Variants in IFNAR2 observed in about 807,000 individuals in gnomAD.
IFNAR2 encodes the protein interferon alpha/beta receptor 2.
Under a neutral mutation model 49.4 loss-of-function variants are expected in IFNAR2, and 30 were observed. That is an observed-to-expected ratio of 0.61 (90% confidence interval 0.45 to 0.82). The LOEUF (loss-of-function observed/expected upper bound fraction) is 0.82, where lower values mean the gene tolerates loss of function less well. Among genes scored for constraint, IFNAR2 ranks in the 40% least tolerant of loss-of-function variants. The probability of loss-of-function intolerance (pLI) is 0.00; values close to 1 mark genes in which losing one functional copy is unlikely to be tolerated. For synonymous variants in IFNAR2, 224 were observed against 234.5 expected (o/e 0.96, Z 0.41); for missense variants, 600 against 622.7 (o/e 0.96, Z 0.39).
Position 33,230,162 on chromosome 21 carries a change from C to T in IFNAR2, c.-138C>T. 2 of 1,000,424 alleles carry T rather than the reference C, an allele frequency of 2.0e-6. No homozygotes were observed. The highest frequency in any genetic ancestry group is 1.7e-5 in the African/African-American group (1 of 57,414). 62.0% of individuals were successfully genotyped at this position (1,000,424 alleles called of 1,614,324 possible). ...GAGCGTCGGGTCCCAGAGCCGGGCG[C>T]GGCTGGGGCCCGAGGCTAGCATCTC... On this transcript the variant is annotated 5_prime_UTR_variant, in exon 1 of 9. Coordinates refer to ENST00000342136, the MANE Select transcript of IFNAR2 (RefSeq NM_001289125.3). The surrounding 1 kb of genome is among the most constrained non-coding windows in gnomAD (Gnocchi z 5.5).
At chr21:33,244,170 A>G (rs568600156) in intron 3 of IFNAR2, among the ~76,000 whole-genome samples, 74 of 152,292 alleles carry the variant, frequency 4.9e-4, no homozygotes, top group Admixed American at 3.0e-3. Context: ...ACCTTGTGCT[A>G]AGTGTTGGTT....
chr21:33,248,593 T>C (rs1987615219), intron 5 of IFNAR2, 116 bp from the exon 6 acceptor site: 3 of 854,534 alleles, frequency 3.5e-6, no homozygotes, highest in Non-Finnish European at 5.1e-6. Context: ...AAAATTATGA[T>C]GTAAATCAGG....
intron 1 of IFNAR2, among the ~76,000 whole-genome samples, chr21:33,234,224 T>TGTGTGTGTG (rs1986278711): frequency 2.0e-5 from 3 of 151,534 alleles, no homozygotes; most frequent in African/African-American, 7.3e-5. Flanking sequence ...TGTGTGTGTG[T>TGTGTGTGTG]TTATGCATAG....
At chr21:33,259,463 G>C (rs1411249407) in intron 7 of IFNAR2, among the ~76,000 whole-genome samples, 3 of 152,164 alleles carry the variant, frequency 2.0e-5, no homozygotes, top group Non-Finnish European at 4.4e-5. Context: ...TCAGACTCAT[G>C]AGAATACCCC....
chr21:33,244,071 C>G (rs1177861103), intron 3 of IFNAR2, among the ~76,000 whole-genome samples: 2 of 152,120 alleles, frequency 1.3e-5, no homozygotes, highest in African/African-American at 4.8e-5. Context: ...TGATTCCAGA[C>G]AAAGGACAAT....
intron 5 of IFNAR2, 128 bp downstream of exon 5, chr21:33,247,018 A>T (rs1190307509): frequency 2.9e-6 from 2 of 684,430 alleles, no homozygotes; most frequent in African/African-American, 1.8e-5. Context: ...TGGCCCTGCC[A>T]CTTCCTAGCT....
chr21:33,253,426 C>T (rs1166938660), intron 7 of IFNAR2, among the ~76,000 whole-genome samples: 1 of 152,184 alleles, frequency 6.6e-6, no homozygotes, highest in Admixed American at 6.5e-5. Context: ...TGATTGTTTT[C>T]TCAGGAAGTA....
chr21:33,262,824 C>G lies in IFNAR2; in HGVS notation c.872C>G (p.Pro291Arg). 1 of 1,603,556 alleles carries G rather than the reference C, an allele frequency of 6.2e-7. No homozygotes were observed. The highest frequency in any genetic ancestry group is 8.5e-7 in the Non-Finnish European group (1 of 1,175,686). ...CATAACTTTTTAGCCTGGCCATTTC[C>G]TAACCTGCCACCGTTGGAAGCCATG... Reference protein sequence around the residue: ...NFHNFLAWPFPNLPPLEAMDM... With the variant: ...NFHNFLAWPFRNLPPLEAMDM... Residue 291 changes from proline to arginine, a missense_variant, in exon 9 of 9, where the codon CCT (proline) becomes CGT (arginine). Physicochemically the swap from Pro to Arg is moderately radical, Grantham distance 103. Transcript: ENST00000342136.
chr21:33,261,211 A>G (rs888885734), intron 8 of IFNAR2, among the ~76,000 whole-genome samples: 7 of 151,382 alleles, frequency 4.6e-5, no homozygotes, highest in African/African-American at 1.7e-4. Context: ...TAATTTTTGC[A>G]TTTTTAGTAG....
Position 33,260,722 on chromosome 21 carries a change from G to A in IFNAR2, c.835G>A (p.Val279Ile). Residue 279 changes from valine to isoleucine, a missense_variant, in exon 8 of 9, where the codon GTC becomes ATC. Transcript: ENST00000342136. ...ATGCTTAAGAAATAGCCTCCCCAAA[G>A]TCTTGGTAGGTAGTTTTTTTGTTTT... ...YICLRNSLPK[V>I]LNFHNFLAWP... 2 of 1,491,860 alleles carry A rather than the reference G, an allele frequency of 1.3e-6. No individual in the cohort carries two copies. Among genetic ancestry groups the A allele is most frequent in the Non-Finnish European group, 1.8e-6 (2 of 1,124,590 alleles). The allele number at this position is 1,491,860 out of a possible 1,614,324, so 92.4% of individuals were successfully genotyped here.
intron 6 of IFNAR2, among the ~76,000 whole-genome samples, chr21:33,249,770 C>A (rs1277240676): frequency 6.6e-6 from 1 of 152,184 alleles, no homozygotes; most frequent in Non-Finnish European, 1.5e-5. Flanking sequence ...CAAGTGAGAC[C>A]AGCCTGAGAG....
chr21:33,232,113 C>A, intron 1 of IFNAR2, among the ~76,000 whole-genome samples: 1 of 152,198 alleles, frequency 6.6e-6, no homozygotes, highest in East Asian at 1.9e-4. Flanking sequence ...TAAGAAAAAA[C>A]ACTGTCAATC....
At chr21:33,236,138 T>C (rs1986433431) in intron 1 of IFNAR2, among the ~76,000 whole-genome samples, 1 of 151,908 alleles carries the variant, frequency 6.6e-6, no homozygotes, top group South Asian at 2.1e-4. Flanking sequence ...CAGAGGAAGA[T>C]TGCAAAGAGG....
intron 4 of IFNAR2, among the ~76,000 whole-genome samples, chr21:33,246,072 A>ATTTT (rs35111583): frequency 7.2e-6 from 1 of 139,560 alleles, no homozygotes; most frequent in Non-Finnish European, 1.6e-5. Context: ...TCATCCGGCA[A>ATTTT]TTTTTTTTTT....
At chr21:33,240,886 T>G (rs1032536827) in intron 1 of IFNAR2, among the ~76,000 whole-genome samples, 1 of 152,158 alleles carries the variant, frequency 6.6e-6, no homozygotes, top group African/African-American at 2.4e-5. Context: ...ATCGTGTTTT[T>G]GCAGCAACAT....
intron 5 of IFNAR2, among the ~76,000 whole-genome samples, chr21:33,247,378 A>G (rs1481768059): frequency 6.6e-6 from 1 of 150,798 alleles, no homozygotes; most frequent in Non-Finnish European, 1.5e-5. Context: ...CAGCCTCCAG[A>G]GTAGCTGGGA....
At chr21:33,232,291 G>A (rs912799578) in intron 1 of IFNAR2, among the ~76,000 whole-genome samples, 2 of 152,162 alleles carry the variant, frequency 1.3e-5, no homozygotes, top group Admixed American at 6.5e-5. Context: ...GAAACTGGGG[G>A]CTATGCAATT....
At chr21:33,244,503 A>G (rs1476296319) in intron 3 of IFNAR2, among the ~76,000 whole-genome samples, 1 of 152,216 alleles carries the variant, frequency 6.6e-6, no homozygotes, top group Non-Finnish European at 1.5e-5. Flanking sequence ...CAGAGGAAGG[A>G]AAATTTGCAG....
intron 8 of IFNAR2, 169 bp from the exon 9 acceptor site, chr21:33,262,624 C>T (rs1441484847): frequency 1.1e-6 from 1 of 920,882 alleles, no homozygotes; most frequent in Non-Finnish European, 1.8e-6. Flanking sequence ...TAATGCACTA[C>T]AGTCTGAAAC....
Sources: gnomAD v4.1 joint callset for allele counts (sites outside exome capture counted in the v4.1 genomes callset) on GRCh38, gnomAD v4.1.1 for gene constraint, Gnocchi (gnomAD v3.1) non-coding constraint, MANE v1.5 for transcripts, NCBI Gene and HGNC (gene_info 2026-07-23, HGNC 2026-07-21) for gene names.